CSDC2: variants seen among roughly 807,000 people sequenced by gnomAD.
CSDC2 encodes the protein cold shock domain-containing protein C2.
In CSDC2, 8 loss-of-function variants were observed where a neutral mutation model predicts 15.8. The observed-to-expected ratio is 0.51, with a 90% CI of 0.30 to 0.92. The LOEUF (loss-of-function observed/expected upper bound fraction) is 0.92, where lower values mean the gene tolerates loss of function less well. Ranked by LOEUF, CSDC2 falls within the 40% of genes least tolerant of loss-of-function variation. The probability of loss-of-function intolerance (pLI) is 0.07; values close to 1 mark genes in which losing one functional copy is unlikely to be tolerated. For synonymous variants in CSDC2, 96 were observed against 92.3 expected (o/e 1.04, Z -0.23); for missense variants, 195 against 213.3 (o/e 0.91, Z 0.53).
intron 1 of CSDC2, among the ~76,000 whole-genome samples, chr22:41,564,038 C>G (rs1432822249): frequency 2.0e-5 from 3 of 146,500 alleles, no homozygotes; most frequent in Non-Finnish European, 4.5e-5. Context: ...GAGCCGAGAT[C>G]GCACCACTGC....
At chr22:41,563,309 C>T (rs1448797913) in intron 1 of CSDC2, among the ~76,000 whole-genome samples, 1 of 152,074 alleles carries the variant, frequency 6.6e-6, no homozygotes, top group African/African-American at 2.4e-5. Context: ...AGGGAAGTGT[C>T]AGCTCCTGCC....
chr22:41,573,659 G>A lies in CSDC2; in HGVS notation c.181G>A (p.Ala61Thr). The A allele has an allele frequency of 1.2e-6, 2 of 1,612,604 alleles. No homozygotes were observed. The highest frequency in any genetic ancestry group is 1.7e-6 in the Non-Finnish European group (2 of 1,179,126). The part of the protein sequence containing the change: ...TKRTRTYSAT[A>T]RASAGPVFKG... The stretch of plus-strand genomic sequence containing the variant: ...ATCCCACTACCCTATCTCCAGGACA[G>A]CCCGGGCCTCAGCTGGCCCCGTGTT... The change falls in exon 3 of 4, where the codon GCC becomes ACC. Residue 61 changes from alanine (A) to threonine (T), a missense_variant. By Grantham distance (58) the Ala-to-Thr change is moderately conservative. Coordinates refer to ENST00000306149, the MANE Select transcript of CSDC2 (RefSeq NM_014460.4).
intron 1 of CSDC2, among the ~76,000 whole-genome samples, chr22:41,562,194 G>A (rs111676212): frequency 0.033 from 5,011 of 152,168 alleles, 274 homozygotes; most frequent in African/African-American, 0.11. Flanking sequence ...TGATCCGGCA[G>A]GGGCCTCTCC....
intron 2 of CSDC2, among the ~76,000 whole-genome samples, chr22:41,573,049 T>TA (rs937747229): frequency 9.9e-5 from 15 of 152,104 alleles, no homozygotes; most frequent in African/African-American, 3.1e-4. Flanking sequence ...CTCATTTTTT[T>TA]AAAAAAATGT....
At position 41,575,140 on chromosome 22, in the gene CSDC2, G is replaced by T. The variant is rs1370706203; in HGVS notation, c.*245G>T. 3 of 566,184 alleles carry T rather than the reference G, an allele frequency of 5.3e-6. No homozygotes were observed. Among genetic ancestry groups the T allele is most frequent in the Non-Finnish European group, 9.5e-6 (3 of 317,342 alleles). 35.1% of individuals were successfully genotyped at this position (566,184 alleles called of 1,614,324 possible). On this transcript the variant is annotated 3_prime_UTR_variant, in exon 4 of 4. Coordinates refer to ENST00000306149, the MANE Select transcript of CSDC2 (RefSeq NM_014460.4). ...GCAAGGCCACCAGACCTGGCTTCGC[G>T]CTGTCCACTGCCTCTCTCCTCCCCT...
chr22:41,574,971 C>A lies in CSDC2; in HGVS notation c.*76C>A, dbSNP rs921576875. ...TGAACGGGCAGCAGCCGGCTCCATG[C>A]CCCACTGCCCTGGCTGATGAGTCCT... On this transcript the variant is annotated 3_prime_UTR_variant, in exon 4 of 4. Transcript: ENST00000306149. 1.6e-5 allele frequency: 23 copies of A among 1,480,280 alleles called. No homozygotes were observed. The highest frequency in any genetic ancestry group is 4.2e-5 in the African/African-American group (3 of 71,784). The allele number at this position is 1,480,280 out of a possible 1,614,324, so 91.7% of individuals were successfully genotyped here.
intron 1 of CSDC2, among the ~76,000 whole-genome samples, chr22:41,568,134 C>CTTTTTTTTTTTTT (rs66884544): frequency 0.54 from 59,483 of 109,256 alleles, 19,508 homozygotes; most frequent in East Asian, 0.79. Flanking sequence ...CTCTCCCTCT[C>CTTTTTTTTTTTTT]TTTTTTTTGA....
At chr22:41,570,449 G>T (rs887497078) in intron 1 of CSDC2, among the ~76,000 whole-genome samples, 1 of 152,166 alleles carries the variant, frequency 6.6e-6, no homozygotes, top group Non-Finnish European at 1.5e-5. Flanking sequence ...AGGGTGTTCA[G>T]GCTTTCTGAG....
At chr22:41,564,205 T>C (rs919023773) in intron 1 of CSDC2, among the ~76,000 whole-genome samples, 2 of 151,964 alleles carry the variant, frequency 1.3e-5, no homozygotes, top group African/African-American at 4.8e-5. Flanking sequence ...TCAGTATCAA[T>C]AGATCACTAG....
intron 1 of CSDC2, among the ~76,000 whole-genome samples, chr22:41,563,457 C>G (rs953714409): frequency 6.6e-6 from 1 of 152,126 alleles, no homozygotes; most frequent in Non-Finnish European, 1.5e-5. Context: ...TTCCTCCCAT[C>G]TGCTCCCCTG....
chr22:41,574,306 C>T (rs1276221160), intron 3 of CSDC2, among the ~76,000 whole-genome samples: 1 of 152,184 alleles, frequency 6.6e-6, no homozygotes, highest in Admixed American at 6.5e-5. Context: ...CGCTCTGTCG[C>T]CCAGGCTGGA....
intron 1 of CSDC2, among the ~76,000 whole-genome samples, chr22:41,561,827 A>G (rs1196691070): frequency 6.6e-6 from 1 of 152,170 alleles, no homozygotes; most frequent in Non-Finnish European, 1.5e-5. Flanking sequence ...TTGCCAGGGC[A>G]CAGCCCCCGG....
chr22:41,563,736 G>A (rs1012883164), intron 1 of CSDC2, among the ~76,000 whole-genome samples: 3 of 151,970 alleles, frequency 2.0e-5, no homozygotes, highest in East Asian at 3.9e-4. Context: ...AGAGCTCAGC[G>A]AGGCTCTTCA....
Position 41,566,788 on chromosome 22 carries a change from G to A in CSDC2, c.-123-5055G>A, listed in dbSNP as rs540249875. Reference sequence around the variant, plus strand: ...TAAAAATACAAAAAATTAGCCGTGCGTGGTGGCAGGCGCCTGTAATCCCAG... The same window carrying A: ...TAAAAATACAAAAAATTAGCCGTGCATGGTGGCAGGCGCCTGTAATCCCAG... On this transcript the variant is annotated intron_variant, in intron 1 of 3. Coordinates refer to ENST00000306149, the MANE Select transcript of CSDC2 (RefSeq NM_014460.4). Among the ~76,000 whole-genome samples, 182 of 151,352 alleles carry A rather than the reference G, an allele frequency of 1.2e-3. 1 individual carries two copies. Among genetic ancestry groups the A allele is most frequent in the African/African-American group, 4.2e-3 (174 of 41,166 alleles).
chr22:41,572,497 C>A (rs558179831), intron 2 of CSDC2, among the ~76,000 whole-genome samples: 2 of 151,316 alleles, frequency 1.3e-5, no homozygotes, highest in Non-Finnish European at 3.0e-5. Context: ...TCCGTCTGTC[C>A]GTCCATCCAT....
chr22:41,566,441 TAAAAAAA>T (rs754976750), intron 1 of CSDC2, among the ~76,000 whole-genome samples: 11 of 45,800 alleles, frequency 2.4e-4, no homozygotes, highest in Non-Finnish European at 3.5e-4. Context: ...AGACTCCATC[TAAAAAAA>T]AAAAAAAAAA....
chr22:41,569,928 T>C (rs993263064), intron 1 of CSDC2, among the ~76,000 whole-genome samples: 2 of 151,982 alleles, frequency 1.3e-5, no homozygotes, highest in Admixed American at 1.3e-4. Flanking sequence ...TACAGGTGGA[T>C]GCCATCACAC....
chr22:41,565,808 T>C (rs1016360685), intron 1 of CSDC2, among the ~76,000 whole-genome samples: 9 of 152,158 alleles, frequency 5.9e-5, no homozygotes, highest in African/African-American at 2.2e-4. Context: ...TAGGCCCCTT[T>C]GTCTGCAGAG....
chr22:41,572,347 C>T (rs13053297), intron 2 of CSDC2, among the ~76,000 whole-genome samples: 13,057 of 36,912 alleles, frequency 0.35, 1,258 homozygotes, highest in Admixed American at 0.44. Flanking sequence ...CATCCATCCA[C>T]CCACCCACCC....
Sources: gnomAD v4.1 joint callset for allele counts (sites outside exome capture counted in the v4.1 genomes callset) on GRCh38, gnomAD v4.1.1 for gene constraint, MANE v1.5 for transcripts, NCBI Gene and HGNC (gene_info 2026-07-23, HGNC 2026-07-21) for gene names.